The following PPP6C variants were observed in gnomAD, a reference collection of about 807,000 sequenced individuals.
The protein encoded by PPP6C is serine/threonine-protein phosphatase 6 catalytic subunit.
A neutral mutation model predicts 39.8 loss-of-function variants in PPP6C; 11 were observed. That is an observed-to-expected ratio of 0.28 (90% CI 0.17 to 0.46). PPP6C has a LOEUF of 0.46. Among genes scored for constraint, PPP6C ranks in the 20% least tolerant of loss-of-function variants. The pLI is 1.00. For synonymous variants in PPP6C, 129 were observed against 130.3 expected (o/e 0.99, Z 0.07); for missense variants, 211 against 373.9 (o/e 0.56, Z 3.59).
intron 2 of PPP6C, among the ~76,000 whole-genome samples, chr9:125,167,885 C>T (rs28420636): frequency 6.9e-6 from 1 of 145,892 alleles, no homozygotes; most frequent in Admixed American, 6.9e-5. Flanking sequence ...GAACCCATGG[C>T]TTCAAGCGAT....
At chr9:125,176,643 C>T (rs970355020) in intron 1 of PPP6C, among the ~76,000 whole-genome samples, 2 of 151,778 alleles carry the variant, frequency 1.3e-5, no homozygotes, top group Non-Finnish European at 2.9e-5. Context: ...GGTCACAGAG[C>T]GAGACCCTTT....
chr9:125,171,579 A>T, intron 1 of PPP6C, among the ~76,000 whole-genome samples: 1 of 143,712 alleles, frequency 7.0e-6, no homozygotes, highest in Middle Eastern at 3.7e-3. Context: ...TTTTAAACGG[A>T]GTCTCACTCT....
intron 1 of PPP6C, among the ~76,000 whole-genome samples, chr9:125,177,137 G>A (rs60806484): frequency 0.014 from 2,119 of 152,224 alleles, 57 homozygotes; most frequent in African/African-American, 0.048. Context: ...CACTTTGGGG[G>A]GTCGAGGCAG....
intron 1 of PPP6C, among the ~76,000 whole-genome samples, chr9:125,187,338 G>T (rs947179267): frequency 2.0e-5 from 3 of 151,254 alleles, no homozygotes; most frequent in Non-Finnish European, 4.4e-5. Flanking sequence ...GAGTACAGTG[G>T]TGTGATCCCG....
chr9:125,167,870 G>T (rs1004146428), intron 2 of PPP6C, among the ~76,000 whole-genome samples: 26 of 136,816 alleles, frequency 1.9e-4, no homozygotes, highest in African/African-American at 6.4e-4. Flanking sequence ...GCCCAGGCTG[G>T]TCTTGAACCC....
In PPP6C at chr9:125,169,062, T is replaced by C. The variant is rs62580612; in HGVS notation, c.171+2023A>G. On this transcript the variant is annotated intron_variant, in intron 2 of 6. Coordinates refer to ENST00000373547, the MANE Select transcript of PPP6C (RefSeq NM_002721.5). ...GCGTGAGCCACTGCACCTGGAACAA[T>C]TGTTTTTTAAGGAACACATACAACA... 7.0e-3 allele frequency among the ~76,000 whole-genome samples: 1,066 copies of C among 152,326 alleles called. 8 individuals are homozygous for C. The highest frequency in any genetic ancestry group is 0.01 in the Non-Finnish European group (698 of 68,026).
intron 3 of PPP6C, 29 bp downstream of exon 3, chr9:125,160,812 A>C (rs1828853844): frequency 6.8e-7 from 1 of 1,470,030 alleles, no homozygotes. Flanking sequence ...ATTTTAAACA[A>C]GCACTTGATA....
rs548702967 is a variant in PPP6C at position 125,148,668 on chromosome 9, G to A, written c.*1005C>T. 4.3e-4 allele frequency: 65 copies of A among 152,256 alleles called. No individual in the cohort carries two copies. The highest frequency in any genetic ancestry group is 1.5e-3 in the African/African-American group (64 of 41,562). 9.4% of individuals were successfully genotyped at this position (152,256 alleles called of 1,614,324 possible). A position where few individuals can be genotyped will look rare whatever the true frequency, so the allele number is the denominator to read the frequency against. ...AGAGAAGAATGATTCCTATTGAAAA[G>A]CACATAGATTTTAGTTAATAATACT... On this transcript the variant is annotated 3_prime_UTR_variant, in exon 7 of 7. Coordinates refer to ENST00000373547, the MANE Select transcript of PPP6C (RefSeq NM_002721.5).
chr9:125,159,715 G>A (rs76077013), intron 3 of PPP6C, among the ~76,000 whole-genome samples: 2,302 of 152,250 alleles, frequency 0.015, 108 homozygotes, highest in Admixed American at 0.082. Context: ...GAAAACAGCT[G>A]AAAGAATAGG....
chr9:125,182,875 A>T (rs1829447556), intron 1 of PPP6C, among the ~76,000 whole-genome samples: 1 of 151,706 alleles, frequency 6.6e-6, no homozygotes, highest in Non-Finnish European at 1.5e-5. Context: ...CGACTGGTCT[A>T]GATCTTTCTC....
intron 3 of PPP6C, among the ~76,000 whole-genome samples, chr9:125,159,018 C>T (rs935197598): frequency 1.0e-4 from 15 of 148,938 alleles, no homozygotes; most frequent in African/African-American, 3.7e-4. Flanking sequence ...TGGTCATCTG[C>T]TAACCAGTAT....
Position 125,147,857 on chromosome 9 carries a change from T to C in PPP6C, c.*1816A>G. The C allele has an allele frequency of 5.5e-6, 1 of 180,946 alleles. No homozygotes were observed. Among genetic ancestry groups the C allele is most frequent in the Non-Finnish European group, 1.2e-5 (1 of 85,878 alleles). 11.2% of individuals were successfully genotyped at this position (180,946 alleles called of 1,614,324 possible). A position where few individuals can be genotyped will look rare whatever the true frequency, so the allele number is the denominator to read the frequency against. ...TGTTCAAAGACCACACCAAGTTGTCTGCATCATTAATTTCCAGTGTTTCAC... is the reference window on the plus strand; with the variant it reads ...TGTTCAAAGACCACACCAAGTTGTCCGCATCATTAATTTCCAGTGTTTCAC... On this transcript the variant is annotated 3_prime_UTR_variant, in exon 7 of 7. Transcript: ENST00000373547.
chr9:125,169,936 C>A (rs1357765369), intron 2 of PPP6C, among the ~76,000 whole-genome samples: 2 of 152,138 alleles, frequency 1.3e-5, no homozygotes, highest in Non-Finnish European at 2.9e-5. Context: ...CAAGACTTTA[C>A]TCATGGAGCA....
intron 2 of PPP6C, among the ~76,000 whole-genome samples, chr9:125,168,758 A>T (rs1829080022): frequency 1.3e-5 from 2 of 149,472 alleles, no homozygotes; most frequent in South Asian, 2.1e-4. Context: ...CACCCGGCTT[A>T]TTTTTTATTT....
In PPP6C at chr9:125,173,668, A is replaced by G. The variant is rs1829229103; in HGVS notation, c.76-2488T>C. On this transcript the variant is annotated intron_variant, in intron 1 of 6. Transcript: ENST00000373547. ...GAATCTCGCTCTGTTGCCAGGCTGG[A>G]GTGCAGTGGCGCAATCTCAGCTCAC... 2.0e-5 allele frequency among the ~76,000 whole-genome samples: 3 copies of G among 151,834 alleles called. No homozygotes were observed. The South Asian group carries it at 6.3e-4, about 32-fold the overall frequency.
chr9:125,186,938 C>CTTTTTTTTTT (rs1168730026), intron 1 of PPP6C, among the ~76,000 whole-genome samples: 7 of 83,660 alleles, frequency 8.4e-5, no homozygotes, highest in East Asian at 4.0e-4. Flanking sequence ...ATTTTTCTTT[C>CTTTTTTTTTT]TTTTTTTTTT....
chr9:125,158,175 T>C (rs1836127392), intron 4 of PPP6C, 66 bp downstream of exon 4: 1 of 1,465,306 alleles, frequency 6.8e-7, no homozygotes, highest in African/African-American at 1.4e-5. Context: ...GTATGACTTG[T>C]GTAGCTTTGT....
chr9:125,149,085 T>C lies in PPP6C; in HGVS notation c.*588A>G, dbSNP rs1270640972. ...TCTTAAAGTACAAAGTCATAAGCTG[T>C]AGCAGTTTTTAACTAAAATTTAAAA... is the stretch of plus-strand genomic sequence containing the variant. On this transcript the variant is annotated 3_prime_UTR_variant, in exon 7 of 7. Coordinates refer to ENST00000373547, the MANE Select transcript of PPP6C (RefSeq NM_002721.5). The C allele has an allele frequency of 6.6e-6, 1 of 152,216 alleles. No homozygotes were observed. Among genetic ancestry groups the C allele is most frequent in the East Asian group, 1.9e-4 (1 of 5,202 alleles). The allele number at this position is 152,216 out of a possible 1,614,324, so 9.4% of individuals were successfully genotyped here. A position where few individuals can be genotyped will look rare whatever the true frequency, so the allele number is the denominator to read the frequency against.
chr9:125,155,298 C>T (rs1165119562), intron 4 of PPP6C, among the ~76,000 whole-genome samples: 1 of 151,740 alleles, frequency 6.6e-6, no homozygotes, highest in Non-Finnish European at 1.5e-5. Flanking sequence ...AAAAAAAAAA[C>T]CTGACATATC....
Sources: gnomAD v4.1 joint callset for allele counts (sites outside exome capture counted in the v4.1 genomes callset) on GRCh38, gnomAD v4.1.1 for gene constraint, MANE v1.5 for transcripts, NCBI Gene and HGNC (gene_info 2026-07-23, HGNC 2026-07-21) for gene names.